TPP2: variants seen among roughly 807,000 people sequenced by gnomAD.
TPP2 encodes the protein tripeptidyl peptidase 2.
Under a neutral mutation model 155.9 loss-of-function variants are expected in TPP2, and 34 were observed. The observed-to-expected ratio is 0.22, with a 90% CI of 0.17 to 0.29. The LOEUF (loss-of-function observed/expected upper bound fraction) is 0.29, where lower values mean the gene tolerates loss of function less well. TPP2 is among the 10% of genes least tolerant of loss of function. TPP2 has a pLI of 1.00. For missense variants in TPP2, 1,028 were observed against 1,522.3 expected (o/e 0.68, Z 5.40); for synonymous variants, 510 against 529.4 (o/e 0.96, Z 0.50).
intron 27 of TPP2, among the ~76,000 whole-genome samples, chr13:102,673,500 G>T (rs1023799645): frequency 3.7e-4 from 57 of 152,188 alleles, no homozygotes; most frequent in African/African-American, 1.4e-3. Flanking sequence ...GTAGGTGGTG[G>T]TTGTATTTCA....
chr13:102,612,089 C>G (rs1456734849), intron 2 of TPP2, among the ~76,000 whole-genome samples: 1 of 152,090 alleles, frequency 6.6e-6, no homozygotes, highest in East Asian at 1.9e-4. Flanking sequence ...TAAAAATCAA[C>G]ACTTAGTCTT....
chr13:102,611,098 A>G (rs1880280319), intron 2 of TPP2, among the ~76,000 whole-genome samples: 1 of 152,220 alleles, frequency 6.6e-6, no homozygotes. Context: ...GTGAGATTTC[A>G]GATTCCTGAG....
chr13:102,659,885 A>G (rs1884090985), intron 25 of TPP2, among the ~76,000 whole-genome samples: 1 of 152,248 alleles, frequency 6.6e-6, no homozygotes, highest in Non-Finnish European at 1.5e-5. Context: ...TGTATATATT[A>G]GGCCTATGTA....
chr13:102,668,127 C>G (rs1884730071), intron 27 of TPP2, among the ~76,000 whole-genome samples: 1 of 152,174 alleles, frequency 6.6e-6, no homozygotes, highest in Non-Finnish European at 1.5e-5. Flanking sequence ...CGCAAATGAT[C>G]AAAGGTTGGT....
chr13:102,676,235 A>G (rs1227294465), intron 28 of TPP2, 61 bp from the exon 29 acceptor site: 1 of 1,404,312 alleles, frequency 7.1e-7, no homozygotes, highest in Non-Finnish European at 9.7e-7. Context: ...TTATGGTTAA[A>G]GCTAATGCCT....
intron 16 of TPP2, among the ~76,000 whole-genome samples, chr13:102,641,840 A>G (rs559492146): frequency 6.6e-6 from 1 of 152,184 alleles, no homozygotes; most frequent in Non-Finnish European, 1.5e-5. Context: ...TACTACACTC[A>G]TTCATTAAGC....
At chr13:102,637,578 T>C (rs1469873148) in intron 14 of TPP2, among the ~76,000 whole-genome samples, 1 of 146,940 alleles carries the variant, frequency 6.8e-6, no homozygotes, top group African/African-American at 2.5e-5. Flanking sequence ...AGAGACAGAG[T>C]CTTGCTCTGT....
At chr13:102,604,960 T>C (rs764073633) in intron 2 of TPP2, 39 bp downstream of exon 2, 75 of 1,591,792 alleles carry the variant, frequency 4.7e-5, no homozygotes, top group Non-Finnish European at 5.9e-5. Context: ...TTTTTTTTTT[T>C]ACTCTTGCCT....
intron 11 of TPP2, among the ~76,000 whole-genome samples, chr13:102,634,695 T>A (rs1850997556): frequency 6.6e-6 from 1 of 152,216 alleles, no homozygotes. Flanking sequence ...CAGCATGGCC[T>A]GTCCACACTG....
intron 7 of TPP2, among the ~76,000 whole-genome samples, chr13:102,627,373 ATTAC>A (rs1431345142): frequency 1.3e-5 from 2 of 152,036 alleles, no homozygotes; most frequent in Non-Finnish European, 2.9e-5. Flanking sequence ...TTGTGAAAAA[ATTAC>A]TTACTTCATA....
intron 9 of TPP2, among the ~76,000 whole-genome samples, chr13:102,629,877 A>T (rs985444282): frequency 2.0e-5 from 3 of 152,226 alleles, no homozygotes; most frequent in African/African-American, 7.2e-5. Context: ...GGGATAAATA[A>T]TCCTGGGAGA....
In TPP2 at chr13:102,678,557, C is replaced by A; in HGVS notation, c.*241C>A. ...ATTGCTGGCACGGGGATGTGCCCTG[C>A]CTGCCAGCACCTAGGACTTCGAGTT... On this transcript the variant is annotated 3_prime_UTR_variant, in exon 30 of 30. Coordinates refer to ENST00000376052, the MANE Select transcript of TPP2 (RefSeq NM_001330588.2). 1 of 383,172 alleles carries A rather than the reference C, an allele frequency of 2.6e-6. No homozygotes were observed. Among genetic ancestry groups the A allele is most frequent in the Non-Finnish European group, 4.7e-6 (1 of 211,762 alleles). The allele number at this position is 383,172 out of a possible 1,614,324, so 23.7% of individuals were successfully genotyped here.
At chr13:102,626,688 G>A (rs1164245365) in intron 6 of TPP2, among the ~76,000 whole-genome samples, 6 of 152,180 alleles carry the variant, frequency 3.9e-5, no homozygotes, top group Admixed American at 1.3e-4. Flanking sequence ...CCTAGATGAC[G>A]AATGAAATTA....
chr13:102,629,376 A>T lies in TPP2; in HGVS notation c.1017-106A>T, dbSNP rs1049688553. ...CTGTATCATGTTCCACCAAGGGTGG[A>T]TGTACCAAAATTTATGTAGCCATAT... On this transcript the variant is annotated intron_variant, in intron 8 of 29. Coordinates refer to ENST00000376052, the MANE Select transcript of TPP2 (RefSeq NM_001330588.2). 2.1e-5 allele frequency: 27 copies of T among 1,303,130 alleles called. No individual in the cohort carries two copies. In the African/African-American group the frequency reaches 3.5e-4, roughly 17 times the overall value. The allele number at this position is 1,303,130 out of a possible 1,614,324, so 80.7% of individuals were successfully genotyped here.
At chr13:102,665,067 C>T (rs2139594634) in intron 27 of TPP2, 142 bp downstream of exon 27, 2 of 1,052,484 alleles carry the variant, frequency 1.9e-6, no homozygotes, top group East Asian at 2.8e-5. Context: ...TTTGGATACT[C>T]CCCTCCTTAG....
intron 3 of TPP2, among the ~76,000 whole-genome samples, chr13:102,614,810 C>T (rs1880597401): frequency 6.6e-6 from 1 of 152,168 alleles, no homozygotes; most frequent in Non-Finnish European, 1.5e-5. Context: ...AGTTTCTGCT[C>T]TAACCATTAT....
intron 19 of TPP2, among the ~76,000 whole-genome samples, 180 bp downstream of exon 19, chr13:102,645,189 A>G (rs1038181584): frequency 2.6e-5 from 4 of 151,928 alleles, no homozygotes; most frequent in African/African-American, 9.7e-5. Context: ...TCACTGTCCC[A>G]CCTGACCAGC....
chr13:102,604,191 C>A (rs1161703313), intron 1 of TPP2, among the ~76,000 whole-genome samples: 9 of 150,418 alleles, frequency 6.0e-5, no homozygotes, highest in African/African-American at 2.0e-4. Flanking sequence ...TTAAATGGTA[C>A]CATTACTACT....
intron 15 of TPP2, 122 bp downstream of exon 15, chr13:102,638,437 TC>T: frequency 9.4e-7 from 1 of 1,064,590 alleles, no homozygotes; most frequent in Non-Finnish European, 1.4e-6. Context: ...TTGTCTTAGT[TC>T]TGCTCCCAGC....
Sources: allele counts gnomAD v4.1 joint callset (sites outside exome capture counted in the v4.1 genomes callset), GRCh38; gene constraint gnomAD v4.1.1; transcripts MANE v1.5; gene names NCBI Gene and HGNC (gene_info 2026-07-23, HGNC 2026-07-21).